The following TTC14 variants were observed in gnomAD, a reference collection of about 807,000 sequenced individuals.
TTC14 encodes tetratricopeptide repeat protein 14.
Under a neutral mutation model 79.9 loss-of-function variants are expected in TTC14, and 63 were observed. That is an observed-to-expected ratio of 0.79 (90% CI 0.64 to 0.97). The LOEUF (loss-of-function observed/expected upper bound fraction) is 0.97, where lower values mean the gene tolerates loss of function less well. TTC14 is among the 50% of genes least tolerant of loss of function. The pLI is 0.00. For synonymous variants in TTC14, 335 were observed against 309.6 expected, an observed-to-expected ratio of 1.08 and a Z score of -0.86; for missense variants, 895 against 894.0, an observed-to-expected ratio of 1.00 and a Z score of -0.01.
downstream of TTC14, chr3:180,614,805 AC>A (rs1007008869): frequency 1.5e-4 from 130 of 879,840 alleles, no homozygotes; most frequent in Non-Finnish European, 2.0e-4. Flanking sequence ...ATCAGTTTTT[AC>A]ACTTACCACT....
chr3:180,604,412 T>A, intron 4 of TTC14, 66 bp from the exon 5 acceptor site: 1 of 1,550,556 alleles, frequency 6.4e-7, no homozygotes, highest in Non-Finnish European at 8.7e-7. Flanking sequence ...TGGGAAAGTT[T>A]ATATTTTTTA....
Position 180,602,339 on chromosome 3 carries a change from G to A in TTC14, c.78G>A (p.Gln26=). ...SLLSLLRSEQ[Q]DNPHFRSLLG... is the part of the protein sequence containing the mutation. ...TCTCTCTACTTCGGAGCGAACAGCA[G>A]GACAATCCACACTTCCGTAGCCTCC... Residue 26 remains glutamine (Q), a synonymous_variant, in exon 1 of 12, where the codon CAG becomes CAA. Transcript: ENST00000296015. The A allele has an allele frequency of 1.2e-6, 2 of 1,613,560 alleles. No individual in the cohort carries two copies. The highest frequency in any genetic ancestry group is 1.7e-6 in the Non-Finnish European group (2 of 1,179,976).
At chr3:180,608,080 C>T (rs1390429423) in intron 10 of TTC14, 5 of 1,044,238 alleles carry the variant, frequency 4.8e-6, no homozygotes, top group African/African-American at 3.4e-5. Flanking sequence ...ATTATAAAAA[C>T]CTTTTTGAGA....
intron 6 of TTC14, chr3:180,605,502 C>G (rs969614200): frequency 3.4e-6 from 1 of 295,778 alleles, no homozygotes; most frequent in African/African-American, 2.3e-5. Flanking sequence ...AGGATGGTCT[C>G]AATCTCCTGA....
rs554255429 is a variant in TTC14 at position 180,609,800 on chromosome 3, C to A, written c.1571C>A (p.Ser524Tyr). 35 of 1,613,806 alleles carry A rather than the reference C, an allele frequency of 2.2e-5. No individual in the cohort carries two copies. Among genetic ancestry groups the A allele is most frequent in the Admixed American group, 2.2e-4 (13 of 59,966 alleles). ...RSSRRHSSRA[S>Y]SNQIDQNRKD... ...TCCAGAAGGCATTCATCTAGGGCATCCTCAAATCAGATAGATCAGAATAGG... is the reference window on the plus strand; with the variant it reads ...TCCAGAAGGCATTCATCTAGGGCATACTCAAATCAGATAGATCAGAATAGG... Residue 524 changes from serine to tyrosine, a missense_variant, in exon 12 of 12, where the codon TCC becomes TAC. Transcript: ENST00000296015.
chr3:180,610,325 A>G lies in TTC14; in HGVS notation c.2096A>G (p.His699Arg). Reference protein sequence around the residue: ...AHSGSRDFSRHEQRYRLNTNQ... With the variant: ...AHSGSRDFSRREQRYRLNTNQ... ...TCTGGATCACGTGATTTCAGTAGAC[A>G]TGAGCAAAGATACCGTTTAAATACA... The change falls in exon 12 of 12, where the codon CAT (histidine) becomes CGT (arginine). Residue 699 changes from histidine (H) to arginine (R), a missense_variant. Physicochemically the swap from His to Arg is conservative, Grantham distance 29. Coordinates refer to ENST00000296015, the MANE Select transcript of TTC14 (RefSeq NM_133462.4). The G allele has an allele frequency of 2.5e-6, 4 of 1,613,266 alleles. No homozygotes were observed. The highest frequency in any genetic ancestry group is 1.3e-5 in the African/African-American group (1 of 74,940).
In TTC14 at chr3:180,610,495, C is replaced by G. The variant is rs575959440; in HGVS notation, c.2266C>G (p.Gln756Glu). The change falls in exon 12 of 12, where the codon CAG (glutamine) becomes GAG (glutamate). Residue 756 changes from glutamine to glutamate, a missense_variant. Coordinates refer to ENST00000296015, the MANE Select transcript of TTC14 (RefSeq NM_133462.4). ...LPQNLLNIFNQIAEFEKEKGN... is the reference protein window; with the variant it reads ...LPQNLLNIFNEIAEFEKEKGN... The stretch of plus-strand genomic sequence containing the variant: ...TCAGAATTTACTGAATATATTTAAT[C>G]AGATAGCTGAATTTGAAAAAGAAAA... 2 of 1,586,660 alleles carry G rather than the reference C, an allele frequency of 1.3e-6. No individual in the cohort carries two copies. The highest frequency in any genetic ancestry group is 1.9e-5 in the Admixed American group (1 of 52,178).
downstream of TTC14, chr3:180,614,745 T>C: frequency 1.8e-6 from 1 of 544,828 alleles, no homozygotes; most frequent in Non-Finnish European, 3.1e-6. Context: ...ATTTCTTCAG[T>C]ATGAAGAAAA....
intron 10 of TTC14, chr3:180,608,170 C>T: frequency 1.0e-6 from 1 of 1,001,782 alleles, no homozygotes; most frequent in Non-Finnish European, 1.2e-6. Flanking sequence ...ACCATTGCTG[C>T]TGTGTCTGTG....
downstream of TTC14, chr3:180,614,000 T>C: frequency 2.8e-6 from 1 of 362,164 alleles, no homozygotes; most frequent in South Asian, 2.1e-5. Flanking sequence ...GAGACACATG[T>C]ACATTCGTGA....
At position 180,609,952 on chromosome 3, in the gene TTC14, G is replaced by A. The variant is rs1341779318; in HGVS notation, c.1723G>A (p.Asp575Asn). The A allele has an allele frequency of 1.9e-6, 3 of 1,614,030 alleles. No individual in the cohort carries two copies. The highest frequency in any genetic ancestry group is 4.5e-5 in the East Asian group (2 of 44,858). Residue 575 changes from aspartate to asparagine, a missense_variant, in exon 12 of 12, where the codon GAT becomes AAT. Coordinates refer to ENST00000296015, the MANE Select transcript of TTC14 (RefSeq NM_133462.4). ...TGAAAAGACACAGATAAAAGAGAAA[G>A]ATAGATGCCCTCTCTCTTCATCTTC... ...QYEKTQIKEK[D>N]RCPLSSSSLE...
At chr3:180,614,442 G>C (rs1717141554), downstream of TTC14, 1 of 152,596 alleles carries the variant, frequency 6.6e-6, no homozygotes, top group African/African-American at 2.4e-5. Context: ...AGAAGAAACT[G>C]CCTTTAACAA....
chr3:180,609,822 T>A lies in TTC14; in HGVS notation c.1593T>A (p.Asn531Lys), dbSNP rs141851614. ...CATCCTCAAATCAGATAGATCAGAA[T>A]AGGAAAGATGAGTGCTACCCAGTTC... is the stretch of plus-strand genomic sequence containing the variant. The part of the protein sequence containing the change: ...SRASSNQIDQ[N>K]RKDECYPVPA... Residue 531 changes from asparagine to lysine, a missense_variant, in exon 12 of 12, where the codon AAT becomes AAA. Physicochemically the swap from Asn to Lys is moderately conservative, Grantham distance 94. Coordinates refer to ENST00000296015, the MANE Select transcript of TTC14 (RefSeq NM_133462.4). 46 of 1,613,692 alleles carry A rather than the reference T, an allele frequency of 2.9e-5. No homozygotes were observed. In the East Asian group the frequency reaches 9.8e-4, roughly 34 times the overall value.
chr3:180,616,387 CATT>C (rs756818346), intron 12 of TTC14: 3 of 1,590,866 alleles, frequency 1.9e-6, no homozygotes, highest in South Asian at 1.1e-5. Flanking sequence ...CAATAGCAAT[CATT>C]AGTACTACCT....
chr3:180,604,422 A>G (rs1489603037), intron 4 of TTC14, 56 bp from the exon 5 acceptor site: 18 of 1,552,926 alleles, frequency 1.2e-5, no homozygotes, highest in South Asian at 2.4e-5. Flanking sequence ...TATATTTTTT[A>G]TGTTAGTTTA....
In TTC14 at chr3:180,610,010, CT is replaced by C; in HGVS notation, c.1782del (p.Glu595LysfsTer57). On this transcript the variant is annotated frameshift_variant, in exon 12 of 12. Coordinates refer to ENST00000296015, the MANE Select transcript of TTC14 (RefSeq NM_133462.4). LOFTEE classifies it high-confidence loss of function. The stretch of plus-strand genomic sequence containing the variant: ...ATACCGGATGATTTTGGAGGTAGGT[CT>C]GAAGATCCAAGAGATTTTTATAACA... Reference protein sequence around the residue: ...LEIPDDFGGRSEDPRDFYNSY... With the variant: ...LEIPDDFGGRXEDPRDFYNSY... The C allele has an allele frequency of 3.1e-6, 5 of 1,613,990 alleles. No homozygotes were observed. Among genetic ancestry groups the C allele is most frequent in the Non-Finnish European group, 4.2e-6 (5 of 1,179,948 alleles).
At chr3:180,602,845 G>T in intron 1 of TTC14, 46 bp from the exon 2 acceptor site, 1 of 1,577,220 alleles carries the variant, frequency 6.3e-7, no homozygotes, top group South Asian at 1.2e-5. Flanking sequence ...AAGTAAAGAG[G>T]CTTTGCAGAT....
In TTC14 at chr3:180,607,783, CT is replaced by C. The variant is rs747623626; in HGVS notation, c.1290+20del. On this transcript the variant is annotated intron_variant, in intron 10 of 11. Coordinates refer to ENST00000296015, the MANE Select transcript of TTC14 (RefSeq NM_133462.4). ...ATATGCAGGTGATTCCTTATTTCCT[CT>C]TAGAAATTTAGTGATATTTGAAATA... is the stretch of plus-strand genomic sequence containing the variant. 4 of 1,599,376 alleles carry C rather than the reference CT, an allele frequency of 2.5e-6. No homozygotes were observed. The highest frequency in any genetic ancestry group is 3.4e-6 in the Non-Finnish European group (4 of 1,176,126).
chr3:180,602,716 C>T, intron 1 of TTC14, 175 bp from the exon 2 acceptor site: 2 of 796,248 alleles, frequency 2.5e-6, no homozygotes, highest in Non-Finnish European at 3.8e-6. Context: ...TTTCCCCGCT[C>T]TCCACCTCCA....
Sources: allele counts gnomAD v4.1 joint callset, GRCh38; gene constraint gnomAD v4.1.1; transcripts MANE v1.5; gene names NCBI Gene and HGNC (gene_info 2026-07-23, HGNC 2026-07-21).